Variants in CALN1 observed in about 807,000 individuals in gnomAD.
The protein encoded by CALN1 is calneuron 1, also known as calcium-binding protein 8.
In CALN1, 17 loss-of-function variants were observed where a neutral mutation model predicts 30.6. That is an observed-to-expected ratio of 0.56 (90% CI 0.38 to 0.83). CALN1 has a LOEUF of 0.83. CALN1 is among the 40% of genes least tolerant of loss of function. The probability of loss-of-function intolerance (pLI) is 0.00; values close to 1 mark genes in which losing one functional copy is unlikely to be tolerated. For missense variants in CALN1, 291 were observed against 354.9 expected, an observed-to-expected ratio of 0.82 and a Z score of 1.45; for synonymous variants, 156 against 131.4, an observed-to-expected ratio of 1.19 and a Z score of -1.28.
At chr7:71,915,700 C>T (rs1161630545) in intron 5 of CALN1, among the ~76,000 whole-genome samples, 2 of 152,144 alleles carry the variant, frequency 1.3e-5, no homozygotes, top group Non-Finnish European at 2.9e-5. Flanking sequence ...CTGCATTGCA[C>T]TCCAGCCCCG....
At chr7:71,968,076 C>T in intron 5 of CALN1, among the ~76,000 whole-genome samples, 1 of 152,144 alleles carries the variant, frequency 6.6e-6, no homozygotes, top group Non-Finnish European at 1.5e-5. Context: ...ACACAAATGC[C>T]TGTACATGAA....
intron 3 of CALN1, among the ~76,000 whole-genome samples, chr7:72,114,614 C>T (rs1807834696): frequency 6.6e-6 from 1 of 152,054 alleles, no homozygotes; most frequent in Non-Finnish European, 1.5e-5. Flanking sequence ...TATCAGTCTG[C>T]AAATAATGAT....
At chr7:72,334,358 C>T (rs73131434) in intron 2 of CALN1, among the ~76,000 whole-genome samples, 6,361 of 152,284 alleles carry the variant, frequency 0.042, 213 homozygotes, top group Non-Finnish European at 0.067. Context: ...CCACAGATAT[C>T]CCACCCTGGC....
chr7:72,485,760 A>C, the CALN1 span, among the ~76,000 whole-genome samples: 1 of 151,940 alleles, frequency 6.6e-6, no homozygotes, highest in African/African-American at 2.4e-5. Flanking sequence ...AATCCCAGCT[A>C]CTCCGGAGGC....
At chr7:72,484,384 G>C in the CALN1 span, among the ~76,000 whole-genome samples, 1 of 152,062 alleles carries the variant, frequency 6.6e-6, no homozygotes. Context: ...TTATTCTCCT[G>C]TTGAGGAAAG....
At chr7:72,023,514 T>C in intron 5 of CALN1, 143 bp downstream of exon 5, 1 of 508,384 alleles carries the variant, frequency 2.0e-6, no homozygotes, top group Non-Finnish European at 3.4e-6. Context: ...AAGTAGTTGT[T>C]TTGATTCTTT....
intron 4 of CALN1, among the ~76,000 whole-genome samples, chr7:72,045,146 G>A (rs147447562): frequency 2.5e-3 from 382 of 152,306 alleles, no homozygotes; most frequent in Non-Finnish European, 3.7e-3. Flanking sequence ...CTGGGGAAAC[G>A]TACACTCACC....
chr7:72,263,384 ATTTTAT>A (rs1562810936), intron 3 of CALN1, among the ~76,000 whole-genome samples: 1 of 151,910 alleles, frequency 6.6e-6, no homozygotes. Flanking sequence ...ATGCATTTTT[ATTTTAT>A]TTTATTTTTT....
intron 5 of CALN1, among the ~76,000 whole-genome samples, chr7:71,940,293 T>C (rs1796059812): frequency 6.6e-6 from 1 of 152,226 alleles, no homozygotes; most frequent in Admixed American, 6.5e-5. Context: ...TGAAATTTCA[T>C]GCAATCTGTT....
intron 3 of CALN1, among the ~76,000 whole-genome samples, chr7:72,169,326 G>C (rs962956649): frequency 6.6e-6 from 1 of 151,882 alleles, no homozygotes; most frequent in South Asian, 2.1e-4. Flanking sequence ...TTATGGTTTT[G>C]TTTTTGGTTT....
chr7:72,088,022 G>A (rs1217211067), intron 4 of CALN1, among the ~76,000 whole-genome samples: 1 of 152,092 alleles, frequency 6.6e-6, no homozygotes, highest in Non-Finnish European at 1.5e-5. Context: ...GAAAAAATTT[G>A]CCAGGTGTGG....
chr7:72,227,539 CA>C (rs756184802), intron 3 of CALN1, among the ~76,000 whole-genome samples: 6 of 83,434 alleles, frequency 7.2e-5, no homozygotes, highest in Admixed American at 1.2e-4. Context: ...GACTCCGTCT[CA>C]AAAAAAAAAG....
At chr7:72,131,662 T>G (rs1809157604) in intron 3 of CALN1, among the ~76,000 whole-genome samples, 1 of 152,162 alleles carries the variant, frequency 6.6e-6, no homozygotes. Flanking sequence ...AACTCTAAAA[T>G]TTCAGTCTCA....
chr7:71,858,545 C>T (rs1791084981), intron 5 of CALN1, among the ~76,000 whole-genome samples: 1 of 151,718 alleles, frequency 6.6e-6, no homozygotes, highest in Admixed American at 6.6e-5. Context: ...ATTTGCCCAC[C>T]TTGCCCACAA....
intron 3 of CALN1, among the ~76,000 whole-genome samples, chr7:72,114,164 T>C (rs1807771646): frequency 6.7e-6 from 1 of 150,348 alleles, no homozygotes. Flanking sequence ...GTGGAACACT[T>C]GAGGTCAGGA....
the CALN1 span, among the ~76,000 whole-genome samples, chr7:72,478,657 A>G: frequency 6.6e-6 from 1 of 151,882 alleles, no homozygotes; most frequent in Non-Finnish European, 1.5e-5. Flanking sequence ...ATCAGTCTGT[A>G]CCTGATTGCT....
intron 3 of CALN1, among the ~76,000 whole-genome samples, chr7:72,110,568 G>A (rs1807494749): frequency 6.6e-6 from 1 of 152,018 alleles, no homozygotes; most frequent in Non-Finnish European, 1.5e-5. Flanking sequence ...TGCATAGGGA[G>A]CTCCTGGCTC....
the CALN1 span, among the ~76,000 whole-genome samples, chr7:72,483,076 G>T: frequency 2.0e-5 from 3 of 152,028 alleles, no homozygotes; most frequent in Non-Finnish European, 4.4e-5. Context: ...TTCCTTGCAA[G>T]AAAGCCACTG....
At chr7:71,807,891 C>T (rs1325070510) in intron 6 of CALN1, among the ~76,000 whole-genome samples, 1 of 152,104 alleles carries the variant, frequency 6.6e-6, no homozygotes, top group African/African-American at 2.4e-5. Context: ...CTCACTAACA[C>T]AGTGAAACCC....
Sources: gnomAD v4.1 joint callset for allele counts (sites outside exome capture counted in the v4.1 genomes callset) on GRCh38, gnomAD v4.1.1 for gene constraint, MANE v1.5 for transcripts, NCBI Gene and HGNC (gene_info 2026-07-23, HGNC 2026-07-21) for gene names.